The following PODXL variants were observed in gnomAD, a reference collection of about 807,000 sequenced individuals.
PODXL encodes the protein podocalyxin like.
Under a neutral mutation model 48.9 loss-of-function variants are expected in PODXL, and 20 were observed. That is an observed-to-expected ratio of 0.41 (90% CI 0.29 to 0.59). The LOEUF (loss-of-function observed/expected upper bound fraction) is 0.59. Ranked by LOEUF, PODXL falls within the 20% of genes least tolerant of loss-of-function variation. The pLI is 0.31. For synonymous variants in PODXL, 295 were observed against 287.4 expected, an observed-to-expected ratio of 1.03 and a Z score of -0.27; for missense variants, 606 against 675.1, an observed-to-expected ratio of 0.90 and a Z score of 1.13.
intron 1 of PODXL, among the ~76,000 whole-genome samples, chr7:131,552,927 C>T (rs578093237): frequency 6.6e-6 from 1 of 152,186 alleles, no homozygotes; most frequent in African/African-American, 2.4e-5. Flanking sequence ...GCTGGGACTA[C>T]AGGCGTGTGC....
At chr7:131,528,073 A>AT (rs999450338) in intron 1 of PODXL, among the ~76,000 whole-genome samples, 3 of 150,936 alleles carry the variant, frequency 2.0e-5, no homozygotes, top group Non-Finnish European at 4.4e-5. Flanking sequence ...TAATTTTTGT[A>AT]TTTTTTTAGT....
chr7:131,516,959 A>G (rs555084365), intron 1 of PODXL, among the ~76,000 whole-genome samples: 2 of 152,088 alleles, frequency 1.3e-5, no homozygotes, highest in South Asian at 4.2e-4. Context: ...TGCTCAAGTG[A>G]TCCTTCTACC....
Position 131,510,844 on chromosome 7 carries a change from C to A in PODXL, c.690G>T (p.Gly230=), listed in dbSNP as rs371102221. 5.6e-6 allele frequency: 9 copies of A among 1,614,088 alleles called. No individual in the cohort carries two copies. Among genetic ancestry groups the A allele is most frequent in the Non-Finnish European group, 7.6e-6 (9 of 1,179,996 alleles). The change falls in exon 2 of 9, where the codon GGG becomes GGT. Residue 230 remains glycine, a synonymous_variant. Coordinates refer to ENST00000378555, the MANE Select transcript of PODXL (RefSeq NM_001018111.3). ...AIPGYTFTSP[G]MTTTLLETVF... is the part of the protein sequence containing the mutation. The stretch of plus-strand genomic sequence containing the variant: ...ATTACTTACGTAGGGTGGTGGTCAT[C>A]CCCGGGCTTGTGAAGGTGTAGCCAG...
chr7:131,507,943 T>C (rs1797837286), intron 5 of PODXL, among the ~76,000 whole-genome samples: 1 of 152,178 alleles, frequency 6.6e-6, no homozygotes, highest in Non-Finnish European at 1.5e-5. Flanking sequence ...CATTAAAGTG[T>C]TGTAAGCCCA....
At chr7:131,548,463 G>C (rs570165098) in intron 1 of PODXL, among the ~76,000 whole-genome samples, 1 of 152,334 alleles carries the variant, frequency 6.6e-6, no homozygotes, top group African/African-American at 2.4e-5. Context: ...AACAAAATGT[G>C]ACTAGAAGTG....
At chr7:131,526,739 C>CTTTTTT (rs57935236) in intron 1 of PODXL, among the ~76,000 whole-genome samples, 40,557 of 90,066 alleles carry the variant, frequency 0.45, 11,420 homozygotes, top group Non-Finnish European at 0.56. Flanking sequence ...CTTCCTTACT[C>CTTTTTT]TTTTTTTTTT....
intron 1 of PODXL, among the ~76,000 whole-genome samples, chr7:131,519,722 ATTTC>A (rs949216327): frequency 6.6e-6 from 1 of 152,000 alleles, no homozygotes; most frequent in African/African-American, 2.4e-5. Flanking sequence ...AGACAGACAA[ATTTC>A]TTTCTTTTTT....
intron 1 of PODXL, among the ~76,000 whole-genome samples, chr7:131,529,321 C>G (rs1367071318): frequency 2.0e-5 from 3 of 152,068 alleles, no homozygotes; most frequent in African/African-American, 7.2e-5. Context: ...CCCCCGGGGG[C>G]CAGGGGGACA....
intron 8 of PODXL, among the ~76,000 whole-genome samples, chr7:131,505,130 GGAGT>G (rs1047501493): frequency 2.6e-5 from 4 of 152,210 alleles, no homozygotes; most frequent in African/African-American, 9.6e-5. Flanking sequence ...TGTGCAGGCA[GGAGT>G]GAGAACCACA....
At chr7:131,538,715 T>G (rs1798424584) in intron 1 of PODXL, among the ~76,000 whole-genome samples, 1 of 152,034 alleles carries the variant, frequency 6.6e-6, no homozygotes, top group Non-Finnish European at 1.5e-5. Flanking sequence ...CCCTCTCAAC[T>G]GCTCCCCACT....
chr7:131,525,554 C>CGT (rs969535738), intron 1 of PODXL, among the ~76,000 whole-genome samples: 14 of 149,376 alleles, frequency 9.4e-5, no homozygotes, highest in African/African-American at 3.5e-4. Context: ...GAGCTGAGAT[C>CGT]GTGCCATTGC....
At chr7:131,537,070 G>A (rs1010388528) in intron 1 of PODXL, among the ~76,000 whole-genome samples, 3 of 152,172 alleles carry the variant, frequency 2.0e-5, no homozygotes, top group African/African-American at 7.2e-5. Context: ...AGGCTGCAGT[G>A]AGCCATAATT....
At chr7:131,531,146 T>C (rs991626413) in intron 1 of PODXL, among the ~76,000 whole-genome samples, 3 of 152,196 alleles carry the variant, frequency 2.0e-5, no homozygotes, top group African/African-American at 7.2e-5. Flanking sequence ...TGGGCACTCA[T>C]TTCCTTCCAC....
At chr7:131,523,988 G>A (rs376136089) in intron 1 of PODXL, among the ~76,000 whole-genome samples, 2 of 151,720 alleles carry the variant, frequency 1.3e-5, no homozygotes, top group Non-Finnish European at 1.5e-5. Flanking sequence ...TAGTAGAGAC[G>A]GGGTTTCACT....
In PODXL at chr7:131,506,683, C is replaced by T. The variant is rs373696065; in HGVS notation, c.1145G>A (p.Arg382Gln). ...CGGGTTGAAGGTGGCTTTGACTGCT[C>T]GGCATATCAGTGAGATCAATTTCTC... ...SDEKLISLICRAVKATFNPAQ... is the reference protein window; with the variant it reads ...SDEKLISLICQAVKATFNPAQ... The change falls in exon 6 of 9, where the codon CGA becomes CAA. Residue 382 changes from arginine (R) to glutamine (Q), a missense_variant. Arg to Gln is a conservative substitution (Grantham distance 43). Coordinates refer to ENST00000378555, the MANE Select transcript of PODXL (RefSeq NM_001018111.3). The T allele has an allele frequency of 1.7e-5, 28 of 1,614,048 alleles. No individual in the cohort carries two copies. The African/African-American group carries it at 2.9e-4, about 17-fold the overall frequency.
At chr7:131,506,442 C>T (rs1332614036) in intron 6 of PODXL, 121 bp from the exon 7 acceptor site, 1 of 1,434,678 alleles carries the variant, frequency 7.0e-7, no homozygotes, top group Non-Finnish European at 9.8e-7. Context: ...CTCGGGTGAC[C>T]TGGGAGGGGG....
At chr7:131,525,424 A>C (rs1404482300) in intron 1 of PODXL, among the ~76,000 whole-genome samples, 3 of 107,932 alleles carry the variant, frequency 2.8e-5, no homozygotes, top group East Asian at 3.1e-4. Context: ...CCTCATCTCT[A>C]CCAAAAAAAA....
intron 1 of PODXL, among the ~76,000 whole-genome samples, chr7:131,548,284 T>C (rs528118785): frequency 3.8e-4 from 58 of 152,376 alleles, no homozygotes; most frequent in African/African-American, 1.3e-3. Flanking sequence ...AGTTCTGCAG[T>C]AGCATTTGCC....
At chr7:131,521,937 A>G (rs1383673802) in intron 1 of PODXL, among the ~76,000 whole-genome samples, 1 of 152,244 alleles carries the variant, frequency 6.6e-6, no homozygotes, top group Non-Finnish European at 1.5e-5. Context: ...AACCTCCCGC[A>G]GCCAGGGAAG....
Sources: allele counts gnomAD v4.1 joint callset (sites outside exome capture counted in the v4.1 genomes callset), GRCh38; gene constraint gnomAD v4.1.1; transcripts MANE v1.5; gene names NCBI Gene and HGNC (gene_info 2026-07-23, HGNC 2026-07-21).